RUNX2: variants seen among roughly 807,000 people sequenced by gnomAD.
RUNX2 encodes the protein runt-related transcription factor 2.
A neutral mutation model predicts 51.7 loss-of-function variants in RUNX2; 10 were observed. The ratio of observed to expected loss-of-function variants is 0.19; its 90% CI spans 0.12 to 0.33. The LOEUF (loss-of-function observed/expected upper bound fraction) is 0.33. RUNX2 is among the 10% of genes least tolerant of loss of function. RUNX2 has a pLI of 1.00. For synonymous variants in RUNX2, 276 were observed against 273.6 expected (o/e 1.01, Z -0.09); for missense variants, 562 against 691.3 (o/e 0.81, Z 2.10).
intron 7 of RUNX2, among the ~76,000 whole-genome samples, chr6:45,522,425 A>G (rs1487927266): frequency 6.6e-6 from 1 of 151,016 alleles, no homozygotes; most frequent in East Asian, 1.9e-4. Context: ...AGCCATCTGC[A>G]TTAGGAAATT....
At chr6:45,503,679 GGTAT>G (rs1800866287) in intron 6 of RUNX2, among the ~76,000 whole-genome samples, 1 of 152,126 alleles carries the variant, frequency 6.6e-6, no homozygotes, top group South Asian at 2.1e-4. Context: ...GGCCAGGACA[GGTAT>G]GACATGTGGT....
chr6:45,502,928 T>G (rs1800840618), intron 6 of RUNX2, among the ~76,000 whole-genome samples: 3 of 152,182 alleles, frequency 2.0e-5, no homozygotes, highest in Non-Finnish European at 4.4e-5. Context: ...CTCACAATAT[T>G]TTGAAACTTT....
chr6:45,388,342 C>G (rs1346968444), intron 2 of RUNX2, among the ~76,000 whole-genome samples: 1 of 152,128 alleles, frequency 6.6e-6, no homozygotes, highest in African/African-American at 2.4e-5. Flanking sequence ...AGTTTTGTTG[C>G]CACACTATGA....
At chr6:45,538,690 T>G (rs1239079225) in intron 7 of RUNX2, among the ~76,000 whole-genome samples, 1 of 151,804 alleles carries the variant, frequency 6.6e-6, no homozygotes, top group Non-Finnish European at 1.5e-5. Flanking sequence ...GGCTGGCTAA[T>G]CGGAGGAACG....
At chr6:45,527,856 G>A (rs1216299376) in intron 7 of RUNX2, among the ~76,000 whole-genome samples, 2 of 152,160 alleles carry the variant, frequency 1.3e-5, no homozygotes, top group African/African-American at 2.4e-5. Context: ...ATGATGAGAT[G>A]AATTTTGGGG....
intron 2 of RUNX2, among the ~76,000 whole-genome samples, chr6:45,353,587 A>C (rs1414184324): frequency 6.6e-6 from 1 of 152,106 alleles, no homozygotes; most frequent in Non-Finnish European, 1.5e-5. Context: ...AAGAAAAATT[A>C]TTCTAACTTA....
chr6:45,452,280 T>A (rs1266174683), intron 5 of RUNX2, among the ~76,000 whole-genome samples: 2 of 152,206 alleles, frequency 1.3e-5, no homozygotes, highest in African/African-American at 4.8e-5. Context: ...AGGAATTTAT[T>A]GTCACAGGGA....
At chr6:45,424,637 T>A (rs925979781) in intron 3 of RUNX2, among the ~76,000 whole-genome samples, 16 of 152,144 alleles carry the variant, frequency 1.1e-4, no homozygotes, top group South Asian at 4.2e-4. Flanking sequence ...CAGTTGTTGA[T>A]CACCCCCACC....
intron 2 of RUNX2, among the ~76,000 whole-genome samples, chr6:45,392,651 A>G (rs1004979847): frequency 2.6e-5 from 4 of 152,208 alleles, no homozygotes; most frequent in Non-Finnish European, 5.9e-5. Flanking sequence ...AGGGAGACCA[A>G]TACATTGTAA....
chr6:45,328,717 A>T lies in RUNX2; in HGVS notation c.-10A>T. 1 of 1,598,776 alleles carries T rather than the reference A, an allele frequency of 6.3e-7. No homozygotes were observed. The highest frequency in any genetic ancestry group is 8.6e-7 in the Non-Finnish European group (1 of 1,168,976). On this transcript the variant is annotated 5_prime_UTR_variant, in exon 2 of 9. In the 5' UTR this introduces an upstream ATG that the reference lacks. Coordinates refer to ENST00000647337, the MANE Select transcript of RUNX2 (RefSeq NM_001024630.4). ...GGTACAAGTTCTATCTGAAAAAAAAAGGAGGGACTATGGCATCAAACAGCC... is the reference window on the plus strand; with the variant it reads ...GGTACAAGTTCTATCTGAAAAAAAATGGAGGGACTATGGCATCAAACAGCC...
intron 7 of RUNX2, among the ~76,000 whole-genome samples, chr6:45,520,265 T>C (rs1801464772): frequency 6.6e-6 from 1 of 152,196 alleles, no homozygotes; most frequent in African/African-American, 2.4e-5. Flanking sequence ...ACACATTTCT[T>C]CCTGGAGAAG....
intron 5 of RUNX2, among the ~76,000 whole-genome samples, chr6:45,438,986 G>C (rs1798766844): frequency 6.6e-6 from 1 of 152,178 alleles, no homozygotes; most frequent in Non-Finnish European, 1.5e-5. Context: ...GCTGGCAGAA[G>C]TACTTGTTCT....
intron 5 of RUNX2, among the ~76,000 whole-genome samples, chr6:45,447,501 T>C (rs1799036020): frequency 6.6e-6 from 1 of 152,206 alleles, no homozygotes; most frequent in South Asian, 2.1e-4. Flanking sequence ...TCTTTTATTT[T>C]AGTATTATCT....
At chr6:45,480,391 G>A (rs1168977558) in intron 5 of RUNX2, among the ~76,000 whole-genome samples, 1 of 152,132 alleles carries the variant, frequency 6.6e-6, no homozygotes, top group Non-Finnish European at 1.5e-5. Context: ...TTTCAAAGAC[G>A]TCTCTTGTTT....
intron 2 of RUNX2, among the ~76,000 whole-genome samples, chr6:45,405,897 C>G (rs1797824330): frequency 6.6e-6 from 1 of 152,148 alleles, no homozygotes; most frequent in African/African-American, 2.4e-5. Context: ...ACTTGTGTGA[C>G]ATTTGATGAG....
intron 5 of RUNX2, among the ~76,000 whole-genome samples, chr6:45,475,983 G>A (rs1297182207): frequency 6.6e-6 from 1 of 152,176 alleles, no homozygotes; most frequent in Non-Finnish European, 1.5e-5. Flanking sequence ...AAAGTAAGAG[G>A]TCCAAAAATC....
intron 2 of RUNX2, chr6:45,377,869 G>C (rs1057421820): frequency 1.3e-5 from 2 of 153,802 alleles, no homozygotes; most frequent in African/African-American, 4.8e-5. Flanking sequence ...GGACACGCTT[G>C]GAAAGGGGCG....
intron 6 of RUNX2, among the ~76,000 whole-genome samples, chr6:45,511,344 C>T (rs570987440): frequency 4.1e-4 from 63 of 152,302 alleles, no homozygotes; most frequent in African/African-American, 1.5e-3. Context: ...ATTACAATGA[C>T]TGTAGGTAAC....
At chr6:45,526,831 G>A (rs937177812) in intron 7 of RUNX2, among the ~76,000 whole-genome samples, 5 of 152,062 alleles carry the variant, frequency 3.3e-5, no homozygotes, top group African/African-American at 9.7e-5. Context: ...CTCAATTTCC[G>A]CATCAGTTAA....
Sources: allele counts gnomAD v4.1 joint callset (sites outside exome capture counted in the v4.1 genomes callset), GRCh38; gene constraint gnomAD v4.1.1; transcripts MANE v1.5; gene names NCBI Gene and HGNC (gene_info 2026-07-23, HGNC 2026-07-21).